Variants in FBXO42 observed in about 807,000 individuals in gnomAD.
FBXO42 encodes F-box only protein 42.
In FBXO42, 12 loss-of-function variants were observed where a neutral mutation model predicts 71.7. That is an observed-to-expected ratio of 0.17 (90% CI 0.11 to 0.27). The LOEUF (loss-of-function observed/expected upper bound fraction) is 0.27. Ranked by LOEUF, FBXO42 falls within the 10% of genes least tolerant of loss-of-function variation. The pLI, the probability that FBXO42 is intolerant of heterozygous loss-of-function variation, is 1.00. For missense variants in FBXO42, 707 were observed against 911.9 expected (o/e 0.78, Z 2.89); for synonymous variants, 325 against 327.5 (o/e 0.99, Z 0.08).
intron 3 of FBXO42, among the ~76,000 whole-genome samples, chr1:16,296,582 G>A (rs1016671665): frequency 4.0e-5 from 6 of 150,554 alleles, no homozygotes; most frequent in South Asian, 2.1e-4. Context: ...CCCGGGAGGC[G>A]GAGGTTGCAG....
At chr1:16,308,476 A>G (rs2082276784) in intron 2 of FBXO42, among the ~76,000 whole-genome samples, 1 of 150,384 alleles carries the variant, frequency 6.6e-6, no homozygotes, top group African/African-American at 2.5e-5. Flanking sequence ...CCTGGGAAAC[A>G]CAGTGAGACC....
chr1:16,263,325 G>T (rs1414654828), intron 4 of FBXO42, among the ~76,000 whole-genome samples: 2 of 151,992 alleles, frequency 1.3e-5, no homozygotes, highest in Non-Finnish European at 2.9e-5. Flanking sequence ...CAGGTGCCTT[G>T]TAGTCCCAGC....
chr1:16,277,087 G>A (rs557513197), intron 4 of FBXO42, among the ~76,000 whole-genome samples: 14 of 152,290 alleles, frequency 9.2e-5, no homozygotes, highest in African/African-American at 1.2e-4. Flanking sequence ...TCTGTGAGTA[G>A]AACTGGATTG....
intron 4 of FBXO42, among the ~76,000 whole-genome samples, chr1:16,267,164 T>C (rs1379752421): frequency 6.6e-6 from 1 of 152,244 alleles, no homozygotes; most frequent in African/African-American, 2.4e-5. Flanking sequence ...AAGGGGTTTC[T>C]ATCTGGAACA....
chr1:16,306,170 T>C (rs777445926), intron 2 of FBXO42, among the ~76,000 whole-genome samples: 1 of 151,994 alleles, frequency 6.6e-6, no homozygotes, highest in Non-Finnish European at 1.5e-5. Flanking sequence ...TACAGGTACC[T>C]GCCACCATGC....
intron 5 of FBXO42, 84 bp from the exon 6 acceptor site, chr1:16,255,905 G>T (rs970996756): frequency 2.4e-5 from 22 of 906,530 alleles, no homozygotes; most frequent in Middle Eastern, 2.2e-4. Context: ...CATTTAAAAT[G>T]ATAATCCTAT....
Position 16,252,249 on chromosome 1 carries a change from G to A in FBXO42, c.1038+39C>T. The A allele has an allele frequency of 6.8e-7, 1 of 1,471,814 alleles. No individual in the cohort carries two copies. Among genetic ancestry groups the A allele is most frequent in the Non-Finnish European group, 9.5e-7 (1 of 1,051,134 alleles). The allele number at this position is 1,471,814 out of a possible 1,614,324, so 91.2% of individuals were successfully genotyped here. ...AAGTAATGTGGTTTTCCACAATTTA[G>A]GACCTGTCCTCCTGCTAGCCTGTCA... On this transcript the variant is annotated intron_variant, in intron 9 of 9. Coordinates refer to ENST00000375592, the MANE Select transcript of FBXO42 (RefSeq NM_018994.3). This position sits in a 1 kb window ranked among gnomAD's most constrained non-coding sequence, Gnocchi z 4.4.
intron 1 of FBXO42, among the ~76,000 whole-genome samples, chr1:16,351,803 A>G (rs1241662838): frequency 6.6e-6 from 1 of 152,154 alleles, no homozygotes; most frequent in Non-Finnish European, 1.5e-5. Flanking sequence ...ACGTAAACCA[A>G]TTCCAAAATT....
chr1:16,312,182 T>G (rs752847793), intron 2 of FBXO42, among the ~76,000 whole-genome samples: 1 of 151,996 alleles, frequency 6.6e-6, no homozygotes, highest in Non-Finnish European at 1.5e-5. Context: ...AACAGCAAGA[T>G]CCTGTCTCTA....
At chr1:16,280,040 G>A (rs1192146595) in intron 4 of FBXO42, among the ~76,000 whole-genome samples, 2 of 151,980 alleles carry the variant, frequency 1.3e-5, no homozygotes, top group Non-Finnish European at 2.9e-5. Context: ...TAAAGACAGG[G>A]TTTCTCTATG....
intron 4 of FBXO42, among the ~76,000 whole-genome samples, chr1:16,261,142 A>G (rs2081707149): frequency 6.6e-6 from 1 of 152,238 alleles, no homozygotes. Flanking sequence ...TCTTTCTTCA[A>G]TCTTAATCCG....
chr1:16,349,818 T>C (rs1305319602), intron 1 of FBXO42, among the ~76,000 whole-genome samples: 3 of 152,134 alleles, frequency 2.0e-5, no homozygotes, highest in Non-Finnish European at 4.4e-5. Context: ...GCCGAGATCA[T>C]TGCACTCCAG....
intron 1 of FBXO42, among the ~76,000 whole-genome samples, chr1:16,333,971 C>T (rs193141740): frequency 1.3e-4 from 20 of 152,154 alleles, no homozygotes; most frequent in East Asian, 1.9e-4. Flanking sequence ...ATCAACTGTA[C>T]GGTAAAAATA....
intron 1 of FBXO42, among the ~76,000 whole-genome samples, chr1:16,317,986 G>T (rs939042873): frequency 5.9e-5 from 9 of 152,004 alleles, no homozygotes; most frequent in Admixed American, 5.3e-4. Context: ...AGTTCAAAAC[G>T]AGGCAAAATT....
intron 1 of FBXO42, among the ~76,000 whole-genome samples, chr1:16,320,614 C>T (rs58223741): frequency 0.026 from 4,025 of 151,934 alleles, 183 homozygotes; most frequent in African/African-American, 0.09. Context: ...AGTGATTCTC[C>T]CACCTCAGCC....
At chr1:16,319,536 T>C (rs1018589550) in intron 1 of FBXO42, among the ~76,000 whole-genome samples, 2 of 152,166 alleles carry the variant, frequency 1.3e-5, no homozygotes, top group African/African-American at 2.4e-5. Flanking sequence ...GGAAAGGCAC[T>C]GACAGTGAGA....
chr1:16,268,277 T>C (rs1375564923), intron 4 of FBXO42, among the ~76,000 whole-genome samples: 1 of 152,180 alleles, frequency 6.6e-6, no homozygotes, highest in Non-Finnish European at 1.5e-5. Context: ...ATCTTACTTA[T>C]TCTCTCCCTG....
chr1:16,326,028 G>GTGTGTC (rs1295733441), intron 1 of FBXO42, among the ~76,000 whole-genome samples: 1 of 149,938 alleles, frequency 6.7e-6, no homozygotes, highest in Non-Finnish European at 1.5e-5. Flanking sequence ...GTGTGTGTGT[G>GTGTGTC]TGTGTGTGTG....
chr1:16,288,455 T>A (rs112982512), intron 4 of FBXO42, among the ~76,000 whole-genome samples: 12 of 149,830 alleles, frequency 8.0e-5, no homozygotes, highest in Admixed American at 3.3e-4. Flanking sequence ...AAAATAAAAA[T>A]AATAATAATA....
Sources: gnomAD v4.1 joint callset for allele counts (sites outside exome capture counted in the v4.1 genomes callset) on GRCh38, gnomAD v4.1.1 for gene constraint, Gnocchi (gnomAD v3.1) non-coding constraint, MANE v1.5 for transcripts, NCBI Gene and HGNC (gene_info 2026-07-23, HGNC 2026-07-21) for gene names.